LIG3: variants seen among roughly 807,000 people sequenced by gnomAD.
The protein encoded by LIG3 is ligase II, DNA, ATP-dependent.
Under a neutral mutation model 110.9 loss-of-function variants are expected in LIG3, and 58 were observed. The ratio of observed to expected loss-of-function variants is 0.52; its 90% CI spans 0.42 to 0.65. The LOEUF (loss-of-function observed/expected upper bound fraction) is 0.65, where lower values mean the gene tolerates loss of function less well. Ranked by LOEUF, LIG3 falls within the 30% of genes least tolerant of loss-of-function variation. The probability of loss-of-function intolerance (pLI) is 0.00; values close to 1 mark genes in which losing one functional copy is unlikely to be tolerated. For missense variants in LIG3, 1,094 were observed against 1,273.8 expected, an observed-to-expected ratio of 0.86 and a Z score of 2.15; for synonymous variants, 422 against 472.8, an observed-to-expected ratio of 0.89 and a Z score of 1.39.
At chr17:35,003,742 C>T (rs547637867) in intron 19 of LIG3, 10 of 157,752 alleles carry the variant, frequency 6.3e-5, no homozygotes, top group Non-Finnish European at 1.4e-4. Context: ...CGCCCCCACG[C>T]TCCCCACCGC....
In LIG3 at chr17:34,991,006, G is replaced by A; in HGVS notation, c.933G>A (p.Leu311=). The change falls in exon 5 of 20, where the codon CTG becomes CTA. Residue 311 remains leucine, a synonymous_variant. Transcript: ENST00000378526. ...TGTACCTAACAGTGAAGCTGCTGCT[G>A]CCAGGAGTCATTAAGACTGTTTACA... ...GDVYLTVKLL[L]PGVIKTVYNL... is the part of the protein sequence containing the mutation. The A allele has an allele frequency of 6.2e-7, 1 of 1,614,164 alleles. No homozygotes were observed. Among genetic ancestry groups the A allele is most frequent in the Non-Finnish European group, 8.5e-7 (1 of 1,179,992 alleles).
chr17:34,989,015 T>C (rs1047052333), intron 3 of LIG3, among the ~76,000 whole-genome samples: 7 of 139,692 alleles, frequency 5.0e-5, no homozygotes, highest in Non-Finnish European at 9.1e-5. Flanking sequence ...TTCTGACCAC[T>C]TTTTTTTTTT....
At chr17:34,998,086 C>T in intron 12 of LIG3, 133 bp from the exon 13 acceptor site, 2 of 707,668 alleles carry the variant, frequency 2.8e-6, no homozygotes, top group Non-Finnish European at 4.7e-6. Flanking sequence ...TGCTTTCTAA[C>T]CCTTTGTCCC....
rs1291368479 is a variant in LIG3 at position 35,004,708 on chromosome 17, A to G, written c.*202A>G. On this transcript the variant is annotated 3_prime_UTR_variant, in exon 20 of 20. Transcript: ENST00000378526. ...AAGTCAGTTTGTCTTGCTGGTTTAAATAGATCTTTCAGAGCTGGGTGCTGG... is the reference window on the plus strand; with the variant it reads ...AAGTCAGTTTGTCTTGCTGGTTTAAGTAGATCTTTCAGAGCTGGGTGCTGG... The G allele has an allele frequency of 7.1e-6, 4 of 563,206 alleles. No homozygotes were observed. The highest frequency in any genetic ancestry group is 3.8e-5 in the African/African-American group (2 of 53,220). 34.9% of individuals were successfully genotyped at this position (563,206 alleles called of 1,614,324 possible). A position where few individuals can be genotyped will look rare whatever the true frequency, so the allele number is the denominator to read the frequency against.
At chr17:34,989,787 T>G in intron 4 of LIG3, 124 bp downstream of exon 4, 1 of 840,410 alleles carries the variant, frequency 1.2e-6, no homozygotes, top group Non-Finnish European at 1.9e-6. Flanking sequence ...TGTACTGTAG[T>G]GCTATCTGGA....
intron 1 of LIG3, 87 bp downstream of exon 1, chr17:34,980,709 G>A: frequency 1.3e-6 from 1 of 789,896 alleles, no homozygotes; most frequent in Non-Finnish European, 1.5e-6. Flanking sequence ...GGCGCGGCCG[G>A]GGAGCCAGCC....
intron 11 of LIG3, 23 bp from the exon 12 acceptor site, chr17:34,997,715 C>G (rs754773871): frequency 1.9e-6 from 3 of 1,587,286 alleles, no homozygotes; most frequent in Non-Finnish European, 2.6e-6. Flanking sequence ...CCGGCCTAAC[C>G]TCAGCTCTCC....
intron 13 of LIG3, 140 bp from the exon 14 acceptor site, chr17:34,998,464 T>C: frequency 1.7e-6 from 2 of 1,165,158 alleles, no homozygotes; most frequent in Non-Finnish European, 2.5e-6. Context: ...TTTGTGTGTC[T>C]CCTATAGTGC....
chr17:34,990,401 T>C (rs1193966291), intron 4 of LIG3, among the ~76,000 whole-genome samples: 1 of 152,160 alleles, frequency 6.6e-6, no homozygotes, highest in African/African-American at 2.4e-5. Context: ...TGCCTCAGCC[T>C]CCCAAGTAGC....
chr17:34,998,151 A>C, intron 12 of LIG3, 68 bp from the exon 13 acceptor site: 1 of 1,199,310 alleles, frequency 8.3e-7, no homozygotes, highest in Non-Finnish European at 1.2e-6. Flanking sequence ...TGTGAAAAGG[A>C]ACAACCCCCA....
chr17:34,986,513 G>T (rs1458384640), intron 3 of LIG3, among the ~76,000 whole-genome samples: 3 of 152,202 alleles, frequency 2.0e-5, no homozygotes, highest in Admixed American at 2.0e-4. Context: ...GTAGAGATGG[G>T]GTTTCGCCAC....
At chr17:34,992,280 T>C (rs1365062555) in intron 7 of LIG3, among the ~76,000 whole-genome samples, 2 of 152,226 alleles carry the variant, frequency 1.3e-5, no homozygotes, top group South Asian at 2.1e-4. Flanking sequence ...TCAGTGAGTA[T>C]AGTATGAGTC....
rs1374041911 is a variant in LIG3, at chr17:34,997,878, G to A, written c.1911+53G>A. 3 of 1,354,768 alleles carry A rather than the reference G, an allele frequency of 2.2e-6. No individual in the cohort carries two copies. The East Asian group carries it at 6.9e-5, about 31-fold the overall frequency. The allele number at this position is 1,354,768 out of a possible 1,614,324, so 83.9% of individuals were successfully genotyped here. ...GTCCTAGAAGTTTGAAAGCAGGGCA[G>A]AGAACTCCTTGGGTCAACTGCGACT... On this transcript the variant is annotated intron_variant, in intron 12 of 19. Transcript: ENST00000378526.
In LIG3 at chr17:35,007,609, G is replaced by A. The variant is rs1597807576; in HGVS notation, c.*3103G>A. The stretch of plus-strand genomic sequence containing the variant: ...TTTCTCTTCTCAGTCACAGCAGATG[G>A]ACACATAATCTTGTTCTCCCAGGGG... On this transcript the variant is annotated 3_prime_UTR_variant, in exon 20 of 20. Coordinates refer to ENST00000378526, the MANE Select transcript of LIG3 (RefSeq NM_013975.4). 1 of 152,390 alleles carries A rather than the reference G, an allele frequency of 6.6e-6. No individual in the cohort carries two copies. Among genetic ancestry groups the A allele is most frequent in the South Asian group, 2.1e-4 (1 of 4,822 alleles). The allele number at this position is 152,390 out of a possible 1,614,324, so 9.4% of individuals were successfully genotyped here. A position where few individuals can be genotyped will look rare whatever the true frequency, so the allele number is the denominator to read the frequency against.
intron 8 of LIG3, among the ~76,000 whole-genome samples, chr17:34,993,893 C>T (rs1420072457): frequency 6.6e-6 from 1 of 152,182 alleles, no homozygotes; most frequent in Non-Finnish European, 1.5e-5. Context: ...ACTCTTTAAC[C>T]TTAGCTTCAC....
chr17:34,989,976 A>G (rs1043373660), intron 4 of LIG3: 8 of 321,870 alleles, frequency 2.5e-5, no homozygotes, highest in Non-Finnish European at 4.1e-5. Flanking sequence ...ACTGTCCTAC[A>G]TATTTAATTA....
Position 34,992,014 on chromosome 17 carries a change from T to C in LIG3, c.1265T>C (p.Met422Thr). Residue 422 changes from methionine (M) to threonine (T), a missense_variant, in exon 7 of 20, where the codon ATG becomes ACG. Coordinates refer to ENST00000378526, the MANE Select transcript of LIG3 (RefSeq NM_013975.4). ...AGGTTGATCAAACATGATCTGAAGA[T>C]GAACTCAGGTGCAAAACATGTGTAA... ...IIRLIKHDLK[M>T]NSGAKHVLDA... 5 of 1,613,796 alleles carry C rather than the reference T, an allele frequency of 3.1e-6. No homozygotes were observed. Among genetic ancestry groups the C allele is most frequent in the Non-Finnish European group, 4.2e-6 (5 of 1,179,596 alleles).
chr17:34,999,226 G>C (rs2090813481), intron 14 of LIG3, 81 bp from the exon 15 acceptor site: 1 of 1,486,378 alleles, frequency 6.7e-7, no homozygotes, highest in African/African-American at 1.4e-5. Context: ...CAGGACCCAA[G>C]GTCCTCTCCC....
chr17:34,991,754 G>A lies in LIG3; in HGVS notation c.1125G>A (p.Gln375=). The part of the protein sequence containing the change: ...PPAAKSLLTI[Q]EVDEFLLRLS... ...CTGCCAAGAGCCTCCTTACCATCCAGGAAGTGGATGAGTTCCTTCTGCGGC... is the reference window on the plus strand; with the variant it reads ...CTGCCAAGAGCCTCCTTACCATCCAAGAAGTGGATGAGTTCCTTCTGCGGC... Residue 375 remains glutamine (Q), a synonymous_variant, in exon 6 of 20, where the codon CAG becomes CAA. Transcript: ENST00000378526. 1 of 1,614,058 alleles carries A rather than the reference G, an allele frequency of 6.2e-7. No individual in the cohort carries two copies. The highest frequency in any genetic ancestry group is 8.5e-7 in the Non-Finnish European group (1 of 1,179,962).
Sources: gnomAD v4.1 joint callset for allele counts (sites outside exome capture counted in the v4.1 genomes callset) on GRCh38, gnomAD v4.1.1 for gene constraint, MANE v1.5 for transcripts, NCBI Gene and HGNC (gene_info 2026-07-23, HGNC 2026-07-21) for gene names.